ZNF385D: variants seen among roughly 807,000 people sequenced by gnomAD.
ZNF385D encodes the protein zinc finger protein 659.
Under a neutral mutation model 35.8 loss-of-function variants are expected in ZNF385D, and 15 were observed. That is an observed-to-expected ratio of 0.42 (90% confidence interval 0.28 to 0.64). The LOEUF is 0.64. Ranked by LOEUF, ZNF385D falls within the 30% of genes least tolerant of loss-of-function variation. ZNF385D has a pLI of 0.23. For missense variants in ZNF385D, 474 were observed against 494.6 expected (o/e 0.96, Z 0.39); for synonymous variants, 212 against 186.8 (o/e 1.13, Z -1.10).
At chr3:22,337,563 A>G (rs1040830489) in intron 2 of ZNF385D, among the ~76,000 whole-genome samples, 2 of 152,102 alleles carry the variant, frequency 1.3e-5, no homozygotes, top group Non-Finnish European at 2.9e-5. Flanking sequence ...TACAGTTAAA[A>G]TACTCATTTG....
chr3:21,473,396 C>G (rs1165090837), intron 4 of ZNF385D, among the ~76,000 whole-genome samples: 1 of 152,070 alleles, frequency 6.6e-6, no homozygotes, highest in Non-Finnish European at 1.5e-5. Flanking sequence ...ATTGAAGGAA[C>G]AAATTTCTGC....
At chr3:22,251,381 CA>C (rs1466030213) in intron 2 of ZNF385D, among the ~76,000 whole-genome samples, 2 of 152,122 alleles carry the variant, frequency 1.3e-5, no homozygotes, top group African/African-American at 4.8e-5. Flanking sequence ...AAAAAACAAA[CA>C]AACAAATATA....
chr3:21,949,755 GTCCATGTGT>G (rs1343656766), intron 3 of ZNF385D, among the ~76,000 whole-genome samples: 1 of 151,606 alleles, frequency 6.6e-6, no homozygotes, highest in Non-Finnish European at 1.5e-5. Flanking sequence ...CCCTCCACGC[GTCCATGTGT>G]TCTCATTGTT....
intron 3 of ZNF385D, among the ~76,000 whole-genome samples, chr3:21,519,610 A>T (rs1308993281): frequency 1.3e-5 from 2 of 152,214 alleles, no homozygotes; most frequent in Non-Finnish European, 2.9e-5. Flanking sequence ...AAGCCAGCAC[A>T]CAAGTCTAAT....
At chr3:21,822,872 G>A (rs930942874) in intron 3 of ZNF385D, among the ~76,000 whole-genome samples, 1 of 151,848 alleles carries the variant, frequency 6.6e-6, no homozygotes, top group African/African-American at 2.4e-5. Flanking sequence ...TCAACAGCAA[G>A]CAAGTAATAC....
intron 3 of ZNF385D, among the ~76,000 whole-genome samples, chr3:21,790,758 C>T (rs574296736): frequency 1.3e-5 from 2 of 152,312 alleles, no homozygotes; most frequent in African/African-American, 4.8e-5. Context: ...TGACTTTTCT[C>T]TCTCCATATG....
At chr3:22,173,320 T>C (rs570895934) in intron 2 of ZNF385D, among the ~76,000 whole-genome samples, 2 of 152,198 alleles carry the variant, frequency 1.3e-5, no homozygotes, top group Non-Finnish European at 2.9e-5. Context: ...TAGAGTATCA[T>C]TAATAATAAT....
At chr3:22,149,141 T>C (rs1019870695) in intron 3 of ZNF385D, among the ~76,000 whole-genome samples, 1 of 152,118 alleles carries the variant, frequency 6.6e-6, no homozygotes, top group African/African-American at 2.4e-5. Context: ...TGTATCAGAA[T>C]CTGCATTTTA....
Position 22,284,007 on chromosome 3 carries a change from T to G in ZNF385D, c.106+88443A>C, listed in dbSNP as rs372596208. ...TGCCTTTTATGATGTGGCTGGTGGCTCCCATTATGCAGTGTGGATACTTGG... is the reference window on the plus strand; with the variant it reads ...TGCCTTTTATGATGTGGCTGGTGGCGCCCATTATGCAGTGTGGATACTTGG... On this transcript the variant is annotated intron_variant, in intron 2 of 5. Transcript: ENST00000494108. 2.0e-5 allele frequency among the ~76,000 whole-genome samples: 3 copies of G among 152,092 alleles called. No individual in the cohort carries two copies. In the South Asian group the frequency reaches 6.2e-4, roughly 32 times the overall value.
chr3:22,200,818 C>T (rs932574107), intron 2 of ZNF385D, among the ~76,000 whole-genome samples: 7 of 152,064 alleles, frequency 4.6e-5, no homozygotes, highest in African/African-American at 1.4e-4. Flanking sequence ...AAGAATTCAG[C>T]GATATTTCTC....
At chr3:21,462,450 A>G (rs1703236504) in intron 4 of ZNF385D, among the ~76,000 whole-genome samples, 2 of 152,198 alleles carry the variant, frequency 1.3e-5, no homozygotes, top group Admixed American at 6.5e-5. Context: ...TATAACTTAG[A>G]AATAGCTAAA....
intron 3 of ZNF385D, among the ~76,000 whole-genome samples, chr3:21,763,384 A>G (rs936016323): frequency 1.3e-5 from 2 of 152,176 alleles, no homozygotes; most frequent in African/African-American, 4.8e-5. Context: ...AAAGAAAATA[A>G]AAGCCTCACA....
intron 3 of ZNF385D, among the ~76,000 whole-genome samples, chr3:21,973,414 T>G (rs931777040): frequency 6.6e-6 from 1 of 151,964 alleles, no homozygotes; most frequent in Admixed American, 6.6e-5. Flanking sequence ...GAAAGGAACA[T>G]ACCTCAACAT....
At chr3:22,308,776 T>C (rs1033957031) in intron 2 of ZNF385D, among the ~76,000 whole-genome samples, 1 of 152,146 alleles carries the variant, frequency 6.6e-6, no homozygotes, top group African/African-American at 2.4e-5. Flanking sequence ...TTTTAAACAA[T>C]GACTTACACT....
chr3:22,213,021 G>A (rs1697627365), intron 2 of ZNF385D, among the ~76,000 whole-genome samples: 1 of 151,852 alleles, frequency 6.6e-6, no homozygotes, highest in South Asian at 2.1e-4. Flanking sequence ...ATTTTTTCTG[G>A]CTTCTGCTGA....
intron 2 of ZNF385D, among the ~76,000 whole-genome samples, chr3:21,585,885 C>A (rs1046547432): frequency 1.3e-5 from 2 of 152,122 alleles, no homozygotes; most frequent in African/African-American, 4.8e-5. Flanking sequence ...ATAAGGTATC[C>A]TGGCCTGGCG....
At chr3:22,134,578 G>T (rs907374999) in intron 3 of ZNF385D, among the ~76,000 whole-genome samples, 3 of 152,178 alleles carry the variant, frequency 2.0e-5, no homozygotes, top group African/African-American at 7.2e-5. Flanking sequence ...GCATACATGG[G>T]ACATTTACTA....
At chr3:21,485,163 G>T (rs1331565208) in intron 4 of ZNF385D, among the ~76,000 whole-genome samples, 1 of 152,122 alleles carries the variant, frequency 6.6e-6, no homozygotes. Context: ...AGTTTAAACT[G>T]AATTATTTGC....
intron 3 of ZNF385D, among the ~76,000 whole-genome samples, chr3:21,826,588 G>A (rs17009653): frequency 0.06 from 9,171 of 152,080 alleles, 314 homozygotes; most frequent in African/African-American, 0.097. Flanking sequence ...TTTTGCCACC[G>A]TTCACACAGA....
Sources: allele counts gnomAD v4.1 joint callset (sites outside exome capture counted in the v4.1 genomes callset), GRCh38; gene constraint gnomAD v4.1.1; transcripts MANE v1.5; gene names NCBI Gene and HGNC (gene_info 2026-07-23, HGNC 2026-07-21).